TRPC4: variants seen among roughly 807,000 people sequenced by gnomAD.
TRPC4 encodes the protein short transient receptor potential channel 4.
Under a neutral mutation model 99.4 loss-of-function variants are expected in TRPC4, and 49 were observed. The observed-to-expected ratio is 0.49, with a 90% CI of 0.39 to 0.63. The LOEUF is 0.63. Among genes scored for constraint, TRPC4 ranks in the 20% least tolerant of loss-of-function variants. TRPC4 has a pLI of 0.00. For missense variants in TRPC4, 898 were observed against 1,152.9 expected, an observed-to-expected ratio of 0.78 and a Z score of 3.20; for synonymous variants, 454 against 425.9, an observed-to-expected ratio of 1.07 and a Z score of -0.81.
intron 4 of TRPC4, among the ~76,000 whole-genome samples, chr13:37,690,975 A>C (rs1953677202): frequency 6.6e-6 from 1 of 152,222 alleles, no homozygotes; most frequent in South Asian, 2.1e-4. Context: ...TAATGAGCTA[A>C]ATTGAGAAAA....
chr13:37,867,917 G>A (rs905360333), intron 1 of TRPC4, among the ~76,000 whole-genome samples: 1 of 152,080 alleles, frequency 6.6e-6, no homozygotes, highest in East Asian at 1.9e-4. Flanking sequence ...TGGAGCATAA[G>A]TTAGAAAGTT....
At chr13:37,747,584 G>C (rs1298575702) in intron 2 of TRPC4, among the ~76,000 whole-genome samples, 1 of 152,114 alleles carries the variant, frequency 6.6e-6, no homozygotes, top group Non-Finnish European at 1.5e-5. Context: ...AAAAGGATCA[G>C]AGGAAAACCA....
chr13:37,738,858 T>G (rs2139121978), intron 3 of TRPC4, among the ~76,000 whole-genome samples: 1 of 152,300 alleles, frequency 6.6e-6, no homozygotes, highest in Admixed American at 6.5e-5. Context: ...AGTTGGACTT[T>G]ATGTGATAGA....
chr13:37,857,747 C>A (rs1302957197), intron 1 of TRPC4, among the ~76,000 whole-genome samples: 1 of 151,724 alleles, frequency 6.6e-6, no homozygotes, highest in Non-Finnish European at 1.5e-5. Context: ...TAAATCTCAT[C>A]ATATACAAAA....
At chr13:37,690,367 T>C (rs773639771) in intron 4 of TRPC4, among the ~76,000 whole-genome samples, 52 of 152,144 alleles carry the variant, frequency 3.4e-4, no homozygotes, top group Non-Finnish European at 7.1e-4. Context: ...CAGGCTGGAG[T>C]GCAGTGGTGT....
rs1477332878 is a variant in TRPC4 at position 37,635,267 on chromosome 13, G to A, written c.*1636C>T. Among the ~76,000 whole-genome samples, 2 of 152,072 alleles carry A rather than the reference G, an allele frequency of 1.3e-5. No homozygotes were observed. The highest frequency in any genetic ancestry group is 2.4e-5 in the African/African-American group (1 of 41,406). On this transcript the variant is annotated 3_prime_UTR_variant, in exon 11 of 11. Transcript: ENST00000379705. ...TCTGAAAGGCAGTTACAATGCAGTG[G>A]TGAAGGGAATGGCTCTGATGGACAC...
chr13:37,812,197 C>CAAAAAAAAAAAAAAAAAAAAAAAAAA (rs1156963631), intron 1 of TRPC4, among the ~76,000 whole-genome samples: 104 of 111,176 alleles, frequency 9.4e-4, no homozygotes, highest in African/African-American at 1.6e-3. Context: ...AAAAAAAAAC[C>CAAAAAAAAAAAAAAAAAAAAAAAAAA]AGGAGATCTA....
intron 1 of TRPC4, among the ~76,000 whole-genome samples, chr13:37,819,433 C>T (rs908124229): frequency 6.6e-6 from 1 of 151,900 alleles, no homozygotes; most frequent in Non-Finnish European, 1.5e-5. Context: ...AACATAAATG[C>T]CCATCAATGA....
intron 2 of TRPC4, among the ~76,000 whole-genome samples, chr13:37,761,754 A>G (rs775949450): frequency 9.9e-5 from 15 of 151,970 alleles, no homozygotes; most frequent in Middle Eastern, 3.4e-3. Context: ...TGTCTTGTTC[A>G]GTTTGACCAG....
At chr13:37,855,337 G>GAGATAT (rs1555285072) in intron 1 of TRPC4, among the ~76,000 whole-genome samples, 4 of 136,574 alleles carry the variant, frequency 2.9e-5, no homozygotes, top group Non-Finnish European at 6.2e-5. Context: ...ATACAATGTA[G>GAGATAT]ATATATATAT....
chr13:37,775,508 A>G (rs894856912), intron 2 of TRPC4, among the ~76,000 whole-genome samples: 1 of 149,868 alleles, frequency 6.7e-6, no homozygotes, highest in African/African-American at 2.5e-5. Context: ...TCACCCCATC[A>G]CCTAGGTATT....
At position 37,634,099 on chromosome 13, in the gene TRPC4, A is replaced by C. The variant is rs1951453185; in HGVS notation, c.*2804T>G. On this transcript the variant is annotated 3_prime_UTR_variant, in exon 11 of 11. Coordinates refer to ENST00000379705, the MANE Select transcript of TRPC4 (RefSeq NM_016179.4). ...AAGAAAAACAGATTTTTTAAGATTA[A>C]GAGAGTACGAAAAATGAGAAACATT... Among the ~76,000 whole-genome samples the C allele has an allele frequency of 6.6e-6, 1 of 152,146 alleles. No homozygotes were observed. Among genetic ancestry groups the C allele is most frequent in the Admixed American group, 6.6e-5 (1 of 15,248 alleles).
intron 4 of TRPC4, among the ~76,000 whole-genome samples, chr13:37,676,378 CTT>C (rs10710896): frequency 4.1e-3 from 586 of 143,942 alleles, no homozygotes; most frequent in Non-Finnish European, 4.2e-3. Context: ...GGAGTAACAT[CTT>C]TTTTTTTTTT....
intron 3 of TRPC4, among the ~76,000 whole-genome samples, chr13:37,745,490 T>TATATATATATATATATACGTATATATG (rs1430019868): frequency 8.9e-6 from 1 of 111,980 alleles, no homozygotes; most frequent in African/African-American, 4.2e-5. Flanking sequence ...ACACACACAC[T>TATATATATATATATATACGTATATATG]TATATATACG....
intron 1 of TRPC4, among the ~76,000 whole-genome samples, chr13:37,824,600 G>A (rs377358891): frequency 1.3e-5 from 2 of 151,980 alleles, no homozygotes; most frequent in East Asian, 3.9e-4. Flanking sequence ...TATTGAACCA[G>A]CCTTGCATCC....
intron 1 of TRPC4, among the ~76,000 whole-genome samples, chr13:37,820,978 A>G (rs1357434631): frequency 6.6e-6 from 1 of 152,174 alleles, no homozygotes; most frequent in East Asian, 1.9e-4. Flanking sequence ...TCCAAATAGG[A>G]AAAGATAAAG....
chr13:37,793,009 A>G (rs1336458186), intron 1 of TRPC4, among the ~76,000 whole-genome samples: 1 of 152,100 alleles, frequency 6.6e-6, no homozygotes, highest in African/African-American at 2.4e-5. Flanking sequence ...GTAATTAGAC[A>G]CAAACTGCAG....
chr13:37,847,640 T>A (rs1336982968), intron 1 of TRPC4, among the ~76,000 whole-genome samples: 1 of 152,072 alleles, frequency 6.6e-6, no homozygotes, highest in Admixed American at 6.6e-5. Flanking sequence ...ATATGTACAA[T>A]TCTGCCTCAA....
At chr13:37,747,151 A>G (rs1023012168) in intron 2 of TRPC4, among the ~76,000 whole-genome samples, 2 of 152,146 alleles carry the variant, frequency 1.3e-5, no homozygotes, top group Admixed American at 1.3e-4. Flanking sequence ...CAGGTCACCA[A>G]TGTGTTTATG....
Sources: gnomAD v4.1 joint callset for allele counts (sites outside exome capture counted in the v4.1 genomes callset) on GRCh38, gnomAD v4.1.1 for gene constraint, MANE v1.5 for transcripts, NCBI Gene and HGNC (gene_info 2026-07-23, HGNC 2026-07-21) for gene names.